GRB7: variants seen among roughly 807,000 people sequenced by gnomAD.
GRB7 encodes growth factor receptor-bound protein 7.
In GRB7, 47 loss-of-function variants were observed where a neutral mutation model predicts 64.1. The observed-to-expected ratio is 0.73, with a 90% CI of 0.58 to 0.94. GRB7 has a LOEUF of 0.94. GRB7 is among the 40% of genes least tolerant of loss of function. The pLI is 0.00. For synonymous variants in GRB7, 277 were observed against 279.9 expected (o/e 0.99, Z 0.10); for missense variants, 634 against 718.4 (o/e 0.88, Z 1.34).
intron 6 of GRB7, 30 bp from the exon 7 acceptor site, chr17:39,744,040 G>A: frequency 6.2e-7 from 1 of 1,613,234 alleles, no homozygotes; most frequent in Non-Finnish European, 8.5e-7. Flanking sequence ...GGTCAGACCT[G>A]TCACTCTCCT....
intron 1 of GRB7, chr17:39,740,277 G>C: frequency 1.9e-6 from 1 of 528,426 alleles, no homozygotes; most frequent in Non-Finnish European, 2.4e-6. Flanking sequence ...CCTCCTGGCA[G>C]GACCCTGAGC....
At chr17:39,742,538 CCT>C (rs761380110) in intron 2 of GRB7, 26 bp from the exon 3 acceptor site, 1 of 1,613,628 alleles carries the variant, frequency 6.2e-7, no homozygotes, top group African/African-American at 1.3e-5. Context: ...CTTCCCCACA[CCT>C]CTCTCCCTTT....
At position 39,745,549 on chromosome 17, in the gene GRB7, C is replaced by G; in HGVS notation, c.1209+11C>G. The G allele has an allele frequency of 3.2e-6, 5 of 1,575,414 alleles. No individual in the cohort carries two copies. The highest frequency in any genetic ancestry group is 4.3e-6 in the Non-Finnish European group (5 of 1,149,870). ...GCCCAGGCCTGGAGGGTGAGGCCTG[C>G]TGTGTGTGTGTGTGTTTGTGCTGGG... On this transcript the variant is annotated intron_variant, in intron 11 of 14. Transcript: ENST00000309156.
intron 1 of GRB7, among the ~76,000 whole-genome samples, 174 bp from the exon 2 acceptor site, chr17:39,742,078 C>G (rs568724501): frequency 9.3e-4 from 141 of 151,966 alleles, no homozygotes; most frequent in Middle Eastern, 6.8e-3. Context: ...GGCAAGAATG[C>G]TTTCTTCTCA....
chr17:39,739,163 C>T (rs896797682), intron 1 of GRB7, among the ~76,000 whole-genome samples: 1 of 150,738 alleles, frequency 6.6e-6, no homozygotes, highest in African/African-American at 2.4e-5. Context: ...CCCCGCCCCC[C>T]AACTAGCCGC....
chr17:39,744,145 A>G lies in GRB7; in HGVS notation c.739A>G (p.Lys247Glu). The G allele has an allele frequency of 6.2e-7, 1 of 1,614,022 alleles. No homozygotes were observed. Among genetic ancestry groups the G allele is most frequent in the South Asian group, 1.1e-5 (1 of 91,074 alleles). The stretch of plus-strand genomic sequence containing the variant: ...GCGGGGTTCAGGACGGAAGCTTTGG[A>G]AACGCTTTTTCTGCTTCTTGCGCCG... Reference protein sequence around the residue: ...QLRGSGRKLWKRFFCFLRRSG... With the variant: ...QLRGSGRKLWERFFCFLRRSG... The change falls in exon 7 of 15, where the codon AAA (lysine) becomes GAA (glutamate). Residue 247 changes from lysine (K) to glutamate (E), a missense_variant. Transcript: ENST00000309156.
rs2060010527 is a variant in GRB7, at chr17:39,743,018, TG to T, written c.432del (p.Leu145TrpfsTer8). On this transcript the variant is annotated frameshift_variant, in exon 4 of 15. Transcript: ENST00000309156. LOFTEE classifies it high-confidence loss of function. ...QRAHALSDET[W>X]GLVECHPHLA... ...AGCTCACGCCTTGAGCGACGAGACC[TG>T]GGGGCTGGTGGAGTGCCACCCCCAC... 1.2e-6 allele frequency: 2 copies of T among 1,610,792 alleles called. No homozygotes were observed. The highest frequency in any genetic ancestry group is 1.7e-6 in the Non-Finnish European group (2 of 1,177,992).
rs771068593 is a variant in GRB7 at position 39,742,300 on chromosome 17, C to A, written c.-2C>A. On this transcript the variant is annotated 5_prime_UTR_variant, in exon 2 of 15. Transcript: ENST00000309156. ...GTTAAGCCCCTCTCTTGCTCAGACG[C>A]CATGGAGCTGGATCTGTCTCCACCT... 71 of 1,614,068 alleles carry A rather than the reference C, an allele frequency of 4.4e-5. 2 individuals carry two copies. The Middle Eastern group carries it at 2.3e-3, about 53-fold the overall frequency.
chr17:39,743,532 C>T (rs1428167102), intron 6 of GRB7, 62 bp downstream of exon 6: 22 of 1,312,008 alleles, frequency 1.7e-5, no homozygotes, highest in African/African-American at 7.2e-5. Flanking sequence ...AGTGCTTCTC[C>T]ACCCTTAAGT....
chr17:39,744,047 T>C, intron 6 of GRB7, 23 bp from the exon 7 acceptor site: 1 of 1,613,584 alleles, frequency 6.2e-7, no homozygotes, highest in Non-Finnish European at 8.5e-7. Context: ...CCTGTCACTC[T>C]CCTCTGCTCT....
Position 39,743,472 on chromosome 17 carries a change from TG to T in GRB7, c.663+8del, listed in dbSNP as rs760897750. 1.2e-6 allele frequency: 2 copies of T among 1,613,454 alleles called. No homozygotes were observed. Among genetic ancestry groups the T allele is most frequent in the Non-Finnish European group, 1.7e-6 (2 of 1,179,462 alleles). On this transcript the variant is annotated splice_donor_region_variant and intron_variant, in intron 6 of 14. Coordinates refer to ENST00000309156, the MANE Select transcript of GRB7 (RefSeq NM_005310.5). ...ATATCCCATGAAGACCTCATCCAGG[TG>T]GGGGGACCCCCCATTTCACTGCAGA...
At position 39,744,306 on chromosome 17, in the gene GRB7, G is replaced by A. The variant is rs377669261; in HGVS notation, c.801+99G>A. The A allele has an allele frequency of 1.3e-5, 18 of 1,421,582 alleles. 1 individual carries two copies. The African/African-American group carries it at 1.7e-4, about 13-fold the overall frequency. 88.1% of individuals were successfully genotyped at this position (1,421,582 alleles called of 1,614,324 possible). A position where few individuals can be genotyped will look rare whatever the true frequency, so the allele number is the denominator to read the frequency against. ...AACCTCTGAGCCCTTCTCCCCCTGG[G>A]CCCCCCAGGCCAGCCACCTCCAGTT... is the stretch of plus-strand genomic sequence containing the variant. On this transcript the variant is annotated intron_variant, in intron 7 of 14. Transcript: ENST00000309156.
At position 39,746,173 on chromosome 17, in the gene GRB7, C is replaced by A; in HGVS notation, c.1423C>A (p.Gln475Lys). The A allele has an allele frequency of 6.2e-7, 1 of 1,613,990 alleles. No homozygotes were observed. The highest frequency in any genetic ancestry group is 8.5e-7 in the Non-Finnish European group (1 of 1,179,922). Residue 475 changes from glutamine (Q) to lysine (K), a missense_variant, in exon 14 of 15, where the codon CAG (glutamine) becomes AAG (lysine). By Grantham distance (53) the Gln-to-Lys change is moderately conservative. Transcript: ENST00000309156. The part of the protein sequence containing the change: ...QGFVLSLCHL[Q>K]KVKHYLILPS... ...CTTTGTCCTCTCTTTGTGCCACCTG[C>A]AGAAAGTGAAGCATTATCTCATCCT...
intron 1 of GRB7, among the ~76,000 whole-genome samples, chr17:39,741,627 G>GCTGA (rs1453391740): frequency 6.6e-6 from 1 of 152,226 alleles, no homozygotes; most frequent in African/African-American, 2.4e-5. Flanking sequence ...GACCCTGAGG[G>GCTGA]CTGAGCCTGA....
At chr17:39,739,186 G>C (rs1336340357) in intron 1 of GRB7, among the ~76,000 whole-genome samples, 1 of 148,184 alleles carries the variant, frequency 6.7e-6, no homozygotes, top group East Asian at 2.0e-4. Flanking sequence ...CGCCCCCCAG[G>C]AATGCCCTCT....
chr17:39,740,726 A>G (rs2143393883), intron 1 of GRB7, among the ~76,000 whole-genome samples: 1 of 151,970 alleles, frequency 6.6e-6, no homozygotes, highest in East Asian at 1.9e-4. Context: ...GAGTTGGGGG[A>G]AGGGTGGAGG....
At chr17:39,743,645 G>C in intron 6 of GRB7, 175 bp downstream of exon 6, 1 of 629,370 alleles carries the variant, frequency 1.6e-6, no homozygotes, top group Non-Finnish European at 2.8e-6. Flanking sequence ...CTATTAAATG[G>C]GGGCGAGAAA....
At chr17:39,744,440 T>G (rs936557457) in intron 7 of GRB7, 113 bp from the exon 8 acceptor site, 7 of 911,164 alleles carry the variant, frequency 7.7e-6, no homozygotes, top group Non-Finnish European at 1.2e-5. Context: ...TGTGTGACCC[T>G]GGGTATTCCC....
chr17:39,740,993 C>T (rs1001010065), intron 1 of GRB7, among the ~76,000 whole-genome samples: 1 of 152,102 alleles, frequency 6.6e-6, no homozygotes. Flanking sequence ...GGTCTCAGCC[C>T]GGCCAAAGGG....
Sources: allele counts gnomAD v4.1 joint callset (sites outside exome capture counted in the v4.1 genomes callset), GRCh38; gene constraint gnomAD v4.1.1; transcripts MANE v1.5; gene names NCBI Gene and HGNC (gene_info 2026-07-23, HGNC 2026-07-21).